The following POLQ variants were observed in gnomAD, a reference collection of about 807,000 sequenced individuals.
POLQ encodes the protein DNA polymerase theta, also known as epididymis secretory sperm binding protein.
In POLQ, 233 loss-of-function variants were observed where a neutral mutation model predicts 259.2. The ratio of observed to expected loss-of-function variants is 0.90; its 90% CI spans 0.81 to 1.00. POLQ has a LOEUF of 1.00. Among genes scored for constraint, POLQ ranks in the 50% least tolerant of loss-of-function variants. POLQ has a pLI of 0.00. For synonymous variants in POLQ, 1,025 were observed against 1,048.8 expected (o/e 0.98, Z 0.44); for missense variants, 2,871 against 3,051.6 (o/e 0.94, Z 1.39).
At position 121,489,423 on chromosome 3, in the gene POLQ, C is replaced by G. The variant is rs145049536; in HGVS notation, c.3508G>C (p.Glu1170Gln). The change falls in exon 16 of 30, where the codon GAA becomes CAA. Residue 1170 changes from glutamate (E) to glutamine (Q), a missense_variant. Around this residue, in one of 3 missense-constraint regions of POLQ, gnomAD observed 2,080 missense variants for 2,126.0 expected, o/e 0.98. Transcript: ENST00000264233. Reference sequence around the variant, plus strand: ...TTTGAACCATTTTGTATCAGCACTTCATTTATTTTTTCTGCCTCAACAGCT... The same window carrying G: ...TTTGAACCATTTTGTATCAGCACTTGATTTATTTTTTCTGCCTCAACAGCT... ...GVAVEAEKINEVLIQNGSKNQ... is the reference protein window; with the variant it reads ...GVAVEAEKINQVLIQNGSKNQ... 4.2e-5 allele frequency: 68 copies of G among 1,613,878 alleles called. No individual in the cohort carries two copies. Among genetic ancestry groups the G allele is most frequent in the Non-Finnish European group, 5.8e-5 (68 of 1,179,974 alleles).
At chr3:121,464,763 T>C (rs753259712) in intron 24 of POLQ, among the ~76,000 whole-genome samples, 9 of 152,222 alleles carry the variant, frequency 5.9e-5, no homozygotes, top group African/African-American at 9.6e-5. Flanking sequence ...GTCTATAAGA[T>C]GTATATGAAA....
intron 5 of POLQ, among the ~76,000 whole-genome samples, chr3:121,534,038 G>A (rs1369819435): frequency 6.6e-6 from 1 of 150,766 alleles, no homozygotes; most frequent in Non-Finnish European, 1.5e-5. Context: ...CACCACGCCT[G>A]GCTAATTTTT....
In POLQ at chr3:121,467,590, A is replaced by G. The variant is rs1425042822; in HGVS notation, c.6896T>C (p.Met2299Thr). The change falls in exon 24 of 30, where the codon ATG becomes ACG. Residue 2299 changes from methionine (M) to threonine (T), a missense_variant. Physicochemically the swap from Met to Thr is moderately conservative, Grantham distance 81 (BLOSUM62 -1). Coordinates refer to ENST00000264233, the MANE Select transcript of POLQ (RefSeq NM_199420.4). The part of the protein sequence containing the change: ...FSVNPRCQAQ[M>T]EERAADRGMP... ...TCCTCTGTCTGCAGCTCTCTCCTCC[A>G]TCTGTGCCTGGCATCTAGGATTCAC... The G allele has an allele frequency of 6.2e-7, 1 of 1,613,694 alleles. No individual in the cohort carries two copies. The highest frequency in any genetic ancestry group is 1.3e-5 in the African/African-American group (1 of 74,924).
At chr3:121,449,681 A>C (rs1048157862) in intron 25 of POLQ, among the ~76,000 whole-genome samples, 3 of 152,126 alleles carry the variant, frequency 2.0e-5, no homozygotes, top group Non-Finnish European at 2.9e-5. Context: ...ATCTAAGGAA[A>C]AATTTATTTT....
chr3:121,443,960 C>G (rs2047613344), intron 26 of POLQ, among the ~76,000 whole-genome samples: 1 of 152,098 alleles, frequency 6.6e-6, no homozygotes, highest in African/African-American at 2.4e-5. Flanking sequence ...TGTTTTATAC[C>G]AGTACTATGT....
intron 4 of POLQ, 98 bp downstream of exon 4, chr3:121,539,335 T>C (rs777056583): frequency 4.4e-5 from 40 of 910,790 alleles, no homozygotes; most frequent in Non-Finnish European, 6.4e-5. Context: ...TAATAGACAA[T>C]AGGAAAACAA....
At chr3:121,459,721 G>C (rs1330275786) in intron 25 of POLQ, among the ~76,000 whole-genome samples, 2 of 151,954 alleles carry the variant, frequency 1.3e-5, no homozygotes, top group Non-Finnish European at 2.9e-5. Flanking sequence ...GCACACATGC[G>C]GGTGTGTACG....
chr3:121,452,030 C>T lies in POLQ; in HGVS notation c.7153-2604G>A, dbSNP rs867418050. Reference sequence around the variant, plus strand: ...CCTTGCTGCTGCCTTGCAGTTCGATCTCAGACTGCTGTGCTAGCAATGAGC... The same window carrying T: ...CCTTGCTGCTGCCTTGCAGTTCGATTTCAGACTGCTGTGCTAGCAATGAGC... On this transcript the variant is annotated intron_variant, in intron 25 of 29. Transcript: ENST00000264233. Among the ~76,000 whole-genome samples the T allele has an allele frequency of 1.8e-4, 28 of 152,226 alleles. 1 individual carries two copies. The highest frequency in any genetic ancestry group is 1.0e-3 in the South Asian group (5 of 4,838).
chr3:121,483,361 A>G, intron 18 of POLQ, 25 bp downstream of exon 18: 1 of 1,358,674 alleles, frequency 7.4e-7, no homozygotes, highest in Non-Finnish European at 9.9e-7. Context: ...TTTTAAGTAT[A>G]TAAAAATTAA....
At chr3:121,458,168 A>C (rs1230252982) in intron 25 of POLQ, among the ~76,000 whole-genome samples, 2 of 152,068 alleles carry the variant, frequency 1.3e-5, no homozygotes, top group East Asian at 1.9e-4. Flanking sequence ...TCTCACTCAT[A>C]GGTGGGAATT....
chr3:121,487,922 CTAT>C lies in POLQ; in HGVS notation c.5006_5008del (p.Asn1669del). Reference sequence around the variant, plus strand: ...TTCTTCATTTAACTCTGTATTTTTTCTATTCAAACTGGAAAAGTTTATAGTCAT... The same window carrying C: ...TTCTTCATTTAACTCTGTATTTTTTCTCAAACTGGAAAAGTTTATAGTCAT... On this transcript the variant is annotated inframe_deletion, in exon 16 of 30. Coordinates refer to ENST00000264233, the MANE Select transcript of POLQ (RefSeq NM_199420.4). 1.2e-6 allele frequency: 2 copies of C among 1,602,354 alleles called. No individual in the cohort carries two copies. Among genetic ancestry groups the C allele is most frequent in the Non-Finnish European group, 1.7e-6 (2 of 1,176,188 alleles).
At chr3:121,519,246 C>A (rs1397110149) in intron 9 of POLQ, among the ~76,000 whole-genome samples, 4 of 151,754 alleles carry the variant, frequency 2.6e-5, no homozygotes, top group African/African-American at 7.3e-5. Flanking sequence ...TAAAAATCAT[C>A]TTCCAGCTAA....
chr3:121,485,104 C>A lies in POLQ; in HGVS notation c.5710G>T (p.Ala1904Ser). The A allele has an allele frequency of 6.2e-7, 1 of 1,612,108 alleles. No homozygotes were observed. The highest frequency in any genetic ancestry group is 1.3e-5 in the African/African-American group (1 of 74,986). ...GCDDTLVVGL[A>S]VCWGGRDAYY... ...GCATCCCTTCCACCCCAGCATACTG[C>A]CAGTCCAACCACCAAGGTGTCATCA... The change falls in exon 17 of 30, where the codon GCA (alanine) becomes TCA (serine). Residue 1904 changes from alanine (A) to serine (S), a missense_variant. By Grantham distance (99) the Ala-to-Ser change is moderately conservative. This residue lies in a region of POLQ where 2,080 missense variants were observed against 2,126.0 expected (regional missense o/e 0.98). Coordinates refer to ENST00000264233, the MANE Select transcript of POLQ (RefSeq NM_199420.4).
intron 25 of POLQ, among the ~76,000 whole-genome samples, chr3:121,459,748 C>A (rs1176756054): frequency 6.6e-6 from 1 of 152,106 alleles, no homozygotes; most frequent in Non-Finnish European, 1.5e-5. Flanking sequence ...CGCACTCTGA[C>A]CACCACTACC....
At chr3:121,480,237 T>A (rs1319294026) in intron 19 of POLQ, among the ~76,000 whole-genome samples, 6 of 152,046 alleles carry the variant, frequency 3.9e-5, no homozygotes, top group Admixed American at 3.9e-4. Context: ...ATCTTACAGT[T>A]ATTAAAGAAA....
At chr3:121,514,447 T>C (rs2048280364) in intron 9 of POLQ, among the ~76,000 whole-genome samples, 1 of 148,658 alleles carries the variant, frequency 6.7e-6, no homozygotes, top group African/African-American at 2.5e-5. Context: ...TTGCAAGATA[T>C]AGTAAGATAA....
chr3:121,480,494 CTT>C (rs961958545), intron 19 of POLQ, among the ~76,000 whole-genome samples: 1 of 147,662 alleles, frequency 6.8e-6, no homozygotes, highest in Non-Finnish European at 1.5e-5. Context: ...CCTAACCACC[CTT>C]TTTTTTTTGA....
At position 121,468,336 on chromosome 3, in the gene POLQ, C is replaced by T. The variant is rs775826679; in HGVS notation, c.6814G>A (p.Ala2272Thr). ...ATGGGAAGTAGGCCTTTGCCTACAGCTTGAGAAGGTGGGCTTTCTCCTACT... is the reference window on the plus strand; with the variant it reads ...ATGGGAAGTAGGCCTTTGCCTACAGTTTGAGAAGGTGGGCTTTCTCCTACT... The part of the protein sequence containing the change: ...TLVGESPPSQ[A>T]VGKGLLPMGR... Residue 2272 changes from alanine to threonine, a missense_variant, in exon 23 of 30, where the codon GCT (alanine) becomes ACT (threonine). By Grantham distance (58) the Ala-to-Thr change is moderately conservative (BLOSUM62 0). Transcript: ENST00000264233. 12 of 1,613,224 alleles carry T rather than the reference C, an allele frequency of 7.4e-6. No homozygotes were observed. Among genetic ancestry groups the T allele is most frequent in the Non-Finnish European group, 1.0e-5 (12 of 1,179,348 alleles).
At chr3:121,477,867 A>T (rs1221665978) in intron 19 of POLQ, among the ~76,000 whole-genome samples, 1 of 152,170 alleles carries the variant, frequency 6.6e-6, no homozygotes, top group African/African-American at 2.4e-5. Flanking sequence ...CGAAAAGCAA[A>T]GAAACAAATG....
Sources: gnomAD v4.1 joint callset for allele counts (sites outside exome capture counted in the v4.1 genomes callset) on GRCh38, gnomAD v4.1.1 for gene constraint, gnomAD v4.1.1 regional missense constraint, MANE v1.5 for transcripts, NCBI Gene and HGNC (gene_info 2026-07-23, HGNC 2026-07-21) for gene names.